ATRN: variants seen among roughly 807,000 people sequenced by gnomAD.
ATRN encodes the protein attractin-2.
ATRN carries 54 observed loss-of-function variants against 178.7 expected under a neutral mutation model. The observed-to-expected ratio is 0.30, with a 90% CI of 0.24 to 0.38. ATRN has a LOEUF of 0.38. ATRN is among the 10% of genes least tolerant of loss of function. The pLI, the probability that ATRN is intolerant of heterozygous loss-of-function variation, is 1.00. For missense variants in ATRN, 1,443 were observed against 1,815.1 expected (o/e 0.79, Z 3.73); for synonymous variants, 636 against 663.0 (o/e 0.96, Z 0.63).
At chr20:3,579,448 C>T (rs906365229) in intron 15 of ATRN, among the ~76,000 whole-genome samples, 26 of 152,054 alleles carry the variant, frequency 1.7e-4, no homozygotes, top group African/African-American at 6.3e-4. Context: ...ATTGCGCCAC[C>T]GCACTCCAGC....
intron 1 of ATRN, among the ~76,000 whole-genome samples, chr20:3,492,554 T>A (rs1382426171): frequency 6.6e-6 from 1 of 151,676 alleles, no homozygotes; most frequent in African/African-American, 2.4e-5. Flanking sequence ...GAGCTTGGGG[T>A]AGAGTGGGAA....
At chr20:3,553,407 G>T (rs767918111) in intron 6 of ATRN, among the ~76,000 whole-genome samples, 4 of 152,096 alleles carry the variant, frequency 2.6e-5, no homozygotes, top group African/African-American at 4.8e-5. Context: ...TTTATGTACA[G>T]CCTGCTGTTA....
At chr20:3,474,648 A>T (rs1351403920) in intron 1 of ATRN, among the ~76,000 whole-genome samples, 1 of 151,468 alleles carries the variant, frequency 6.6e-6, no homozygotes, top group Non-Finnish European at 1.5e-5. Context: ...CAGAGCTTGC[A>T]GTGAGCCGAG....
chr20:3,611,974 G>T (rs1003227992), intron 24 of ATRN, among the ~76,000 whole-genome samples: 7 of 152,262 alleles, frequency 4.6e-5, no homozygotes, highest in Admixed American at 4.6e-4. Context: ...ATATAACCCA[G>T]CAATTGCATT....
chr20:3,581,795 A>T (rs373784265), intron 15 of ATRN, among the ~76,000 whole-genome samples: 1 of 152,166 alleles, frequency 6.6e-6, no homozygotes, highest in East Asian at 1.9e-4. Flanking sequence ...TCTCTGAGCT[A>T]CATTTTTATC....
intron 18 of ATRN, among the ~76,000 whole-genome samples, chr20:3,588,123 C>G (rs955677864): frequency 6.6e-6 from 1 of 152,190 alleles, no homozygotes; most frequent in Non-Finnish European, 1.5e-5. Flanking sequence ...TCTGGGATTA[C>G]AGGTGTGAGC....
chr20:3,631,548 C>G (rs910247727), intron 25 of ATRN, among the ~76,000 whole-genome samples: 1 of 152,144 alleles, frequency 6.6e-6, no homozygotes, highest in Non-Finnish European at 1.5e-5. Context: ...AGAGACTCTC[C>G]TCTGCTTGCT....
chr20:3,552,903 AAG>A (rs1055148208), intron 6 of ATRN, among the ~76,000 whole-genome samples: 1 of 152,182 alleles, frequency 6.6e-6, no homozygotes, highest in Non-Finnish European at 1.5e-5. Context: ...AGGCCACAAG[AAG>A]AGTCTCTAGA....
intron 6 of ATRN, among the ~76,000 whole-genome samples, chr20:3,556,967 C>G (rs917827836): frequency 6.6e-6 from 1 of 152,148 alleles, no homozygotes; most frequent in Non-Finnish European, 1.5e-5. Flanking sequence ...GGGCACTCTC[C>G]GTGCCCTTTA....
intron 1 of ATRN, chr20:3,490,089 T>G: frequency 7.4e-7 from 1 of 1,349,340 alleles, no homozygotes; most frequent in Non-Finnish European, 1.1e-6. Context: ...AATGTCTCGC[T>G]TGGTGCCCTT....
At chr20:3,583,334 A>G (rs1480085898) in intron 16 of ATRN, among the ~76,000 whole-genome samples, 1 of 152,242 alleles carries the variant, frequency 6.6e-6, no homozygotes, top group Non-Finnish European at 1.5e-5. Flanking sequence ...TTACAGCCCT[A>G]CTTTTATGGA....
intron 1 of ATRN, among the ~76,000 whole-genome samples, chr20:3,500,811 A>C (rs1188284861): frequency 6.6e-6 from 1 of 152,100 alleles, no homozygotes; most frequent in African/African-American, 2.4e-5. Flanking sequence ...CATTGTGCAC[A>C]TGTACCCTAA....
Position 3,522,060 on chromosome 20 carries a change from G to A in ATRN, c.411-13193G>A, listed in dbSNP as rs753795151. Among the ~76,000 whole-genome samples the A allele has an allele frequency of 1.3e-5, 2 of 152,034 alleles. 1 individual carries two copies. Among genetic ancestry groups the A allele is most frequent in the South Asian group, 4.2e-4 (2 of 4,812 alleles). ...CCACTTTGGCCTCCCAAAATGCTAG[G>A]GTTATAGACGTGAGCCAGAGTTTCT... On this transcript the variant is annotated intron_variant, in intron 1 of 28. Coordinates refer to ENST00000262919, the MANE Select transcript of ATRN (RefSeq NM_139321.3).
At chr20:3,579,522 A>ATCTC (rs1363283197) in intron 15 of ATRN, among the ~76,000 whole-genome samples, 1 of 152,080 alleles carries the variant, frequency 6.6e-6, no homozygotes, top group Non-Finnish European at 1.5e-5. Context: ...AGAAATGTAC[A>ATCTC]TCTCCTTGGG....
chr20:3,548,151 T>C (rs1200476138), intron 5 of ATRN, among the ~76,000 whole-genome samples: 1 of 152,216 alleles, frequency 6.6e-6, no homozygotes, highest in African/African-American at 2.4e-5. Context: ...GTCTGTTTCT[T>C]CAATTTGTTT....
intron 27 of ATRN, among the ~76,000 whole-genome samples, chr20:3,639,711 G>A (rs940568228): frequency 3.3e-5 from 5 of 152,020 alleles, no homozygotes; most frequent in African/African-American, 7.3e-5. Context: ...TTTAAGATAC[G>A]CTGGAGAAAT....
chr20:3,627,603 A>G (rs1329156145), intron 25 of ATRN, among the ~76,000 whole-genome samples: 1 of 152,218 alleles, frequency 6.6e-6, no homozygotes, highest in Admixed American at 6.5e-5. Context: ...GGTATATGGT[A>G]TATGTAGCCA....
Position 3,528,224 on chromosome 20 carries a change from C to T in ATRN, c.411-7029C>T, listed in dbSNP as rs539306959. 4.3e-4 allele frequency among the ~76,000 whole-genome samples: 66 copies of T among 151,846 alleles called. No individual in the cohort carries two copies. The East Asian group carries it at 7.9e-3, about 18-fold the overall frequency. ...CTCTACTAAAAATAGAAAAATTAGC[C>T]GGGCATGGTGGTGGGCGCCTGTAAT... is the stretch of plus-strand genomic sequence containing the variant. On this transcript the variant is annotated intron_variant, in intron 1 of 28. Transcript: ENST00000262919.
intron 1 of ATRN, among the ~76,000 whole-genome samples, chr20:3,521,271 T>G (rs2085291943): frequency 6.6e-6 from 1 of 151,666 alleles, no homozygotes. Context: ...ACATCAAACC[T>G]CGGCAACACG....
Sources: allele counts gnomAD v4.1 joint callset (sites outside exome capture counted in the v4.1 genomes callset), GRCh38; gene constraint gnomAD v4.1.1; transcripts MANE v1.5; gene names NCBI Gene and HGNC (gene_info 2026-07-23, HGNC 2026-07-21).